HMCN2: variants seen among roughly 807,000 people sequenced by gnomAD.
HMCN2 encodes the protein hemicentin-2.
Under a neutral mutation model 377.5 loss-of-function variants are expected in HMCN2, and 325 were observed. The observed-to-expected ratio is 0.86, with a 90% CI of 0.79 to 0.94. The LOEUF (loss-of-function observed/expected upper bound fraction) is 0.94. Among genes scored for constraint, HMCN2 ranks in the 40% least tolerant of loss-of-function variants. The probability of loss-of-function intolerance (pLI) is 0.00; values close to 1 mark genes in which losing one functional copy is unlikely to be tolerated. For synonymous variants in HMCN2, 2,007 were observed against 2,046.8 expected (o/e 0.98, Z 0.53); for missense variants, 4,543 against 4,725.3 (o/e 0.96, Z 1.13).
At position 130,396,318 on chromosome 9, in the gene HMCN2, G is replaced by T. The variant is rs1239185969; in HGVS notation, c.11198+5G>T. ...CCTGGATCCCAGGAGCCCCAGGTGG[G>T]AGAGGGAAGGGGTGGGCCTCAGGGA... On this transcript the variant is annotated splice_donor_5th_base_variant and intron_variant, in intron 73 of 97. Transcript: ENST00000683500. 1 of 1,265,460 alleles carries T rather than the reference G, an allele frequency of 7.9e-7. No homozygotes were observed. The highest frequency in any genetic ancestry group is 2.3e-5 in the Admixed American group (1 of 42,998). 78.4% of individuals were successfully genotyped at this position (1,265,460 alleles called of 1,614,324 possible).
intron 15 of HMCN2, among the ~76,000 whole-genome samples, chr9:130,312,598 T>C (rs1837325770): frequency 9.1e-6 from 1 of 109,634 alleles, no homozygotes; most frequent in Non-Finnish European, 1.9e-5. Flanking sequence ...CTTTCTTTCT[T>C]TCTTTCTTTC....
chr9:130,391,220 G>C lies in HMCN2; in HGVS notation c.9684G>C (p.Arg3228=), dbSNP rs988383653. The C allele has an allele frequency of 8.1e-6, 8 of 987,766 alleles. No individual in the cohort carries two copies. The African/African-American group carries it at 1.4e-4, about 17-fold the overall frequency. 61.2% of individuals were successfully genotyped at this position (987,766 alleles called of 1,614,324 possible). A position where few individuals can be genotyped will look rare whatever the true frequency, so the allele number is the denominator to read the frequency against. Residue 3228 remains arginine, a synonymous_variant, in exon 64 of 98, where the codon CGG becomes CGC. Coordinates refer to ENST00000683500, the MANE Select transcript of HMCN2 (RefSeq NM_001291815.2). The part of the protein sequence containing the change: ...VVAVLVAPRI[R]SSGVAREHHV... ...CTGCCTCAGTGGCCCCCCGGATCCG[G>C]AGCTCGGGCGTGGCGCGGGAGCACC...
chr9:130,305,326 A>G (rs1836791981), intron 11 of HMCN2, among the ~76,000 whole-genome samples: 2 of 152,094 alleles, frequency 1.3e-5, no homozygotes, highest in African/African-American at 2.4e-5. Context: ...ACCCTGCCCA[A>G]TAGGTAGGGC....
chr9:130,302,460 C>T (rs1256545623), intron 8 of HMCN2, among the ~76,000 whole-genome samples: 8 of 152,190 alleles, frequency 5.3e-5, no homozygotes, highest in Admixed American at 3.3e-4. Flanking sequence ...GAGCCTAATC[C>T]TAGTTGGTAG....
chr9:130,425,238 G>C (rs956591910), intron 89 of HMCN2, 108 bp downstream of exon 89: 1 of 1,246,128 alleles, frequency 8.0e-7, no homozygotes, highest in Non-Finnish European at 1.1e-6. Context: ...TTCTGACAGC[G>C]CTGCAGGGCT....
intron 86 of HMCN2, chr9:130,419,325 G>T: frequency 3.4e-6 from 1 of 298,398 alleles, no homozygotes; most frequent in African/African-American, 2.2e-5. Context: ...CACAGCCCCT[G>T]GAAGCAGGCA....
At position 130,394,328 on chromosome 9, in the gene HMCN2, C is replaced by T. The variant is rs987456977; in HGVS notation, c.10502-57C>T. On this transcript the variant is annotated intron_variant, in intron 68 of 97. Coordinates refer to ENST00000683500, the MANE Select transcript of HMCN2 (RefSeq NM_001291815.2). This position sits in a 1 kb window ranked among gnomAD's most constrained non-coding sequence, Gnocchi z 5.1. The stretch of plus-strand genomic sequence containing the variant: ...GGACTCAGCACAGTGTTTTCAAGTG[C>T]GGTGCTGTCCCGGAAATGTGTGTCA... 2.0e-5 allele frequency: 22 copies of T among 1,122,072 alleles called. 1 individual carries two copies. The highest frequency in any genetic ancestry group is 1.9e-4 in the South Asian group (14 of 74,712). 69.5% of individuals were successfully genotyped at this position (1,122,072 alleles called of 1,614,324 possible).
At chr9:130,409,388 G>A (rs1397920564) in intron 84 of HMCN2, among the ~76,000 whole-genome samples, 3 of 152,134 alleles carry the variant, frequency 2.0e-5, no homozygotes, top group Non-Finnish European at 4.4e-5. Flanking sequence ...CTCAGGCCCC[G>A]TGCTGTTTCC....
At chr9:130,409,851 C>T (rs12000171) in intron 84 of HMCN2, among the ~76,000 whole-genome samples, 1 of 152,138 alleles carries the variant, frequency 6.6e-6, no homozygotes, top group South Asian at 2.1e-4. Flanking sequence ...CTATCCCCCC[C>T]AGTCCCTTGG....
chr9:130,395,946 C>T lies in HMCN2; in HGVS notation c.10934C>T (p.Pro3645Leu), dbSNP rs954359200. 6.2e-6 allele frequency: 8 copies of T among 1,287,292 alleles called. No homozygotes were observed. The highest frequency in any genetic ancestry group is 3.2e-4 in the Middle Eastern group (1 of 3,092). The allele number at this position is 1,287,292 out of a possible 1,614,324, so 79.7% of individuals were successfully genotyped here. A position where few individuals can be genotyped will look rare whatever the true frequency, so the allele number is the denominator to read the frequency against. Reference sequence around the variant, plus strand: ...CAGGAGGACGCCCACACACAATTCCCGGAGCGGGGCAGGTTCCTCCAGCTG... The same window carrying T: ...CAGGAGGACGCCCACACACAATTCCTGGAGCGGGGCAGGTTCCTCCAGCTG... ...VLQEDAHTQF[P>L]ERGRFLQLQA... is the part of the protein sequence containing the mutation. The change falls in exon 72 of 98, where the codon CCG becomes CTG. Residue 3645 changes from proline to leucine, a missense_variant. By Grantham distance (98) the Pro-to-Leu change is moderately conservative (BLOSUM62 -3). Around this residue, in one of 5 missense-constraint regions of HMCN2, gnomAD observed 1,073 missense variants for 1,319.5 expected, o/e 0.81. Coordinates refer to ENST00000683500, the MANE Select transcript of HMCN2 (RefSeq NM_001291815.2).
intron 43 of HMCN2, among the ~76,000 whole-genome samples, chr9:130,367,258 G>A (rs946024737): frequency 1.3e-5 from 2 of 152,100 alleles, no homozygotes; most frequent in African/African-American, 2.4e-5. Context: ...TACCTAGTGA[G>A]GTGTCAAGTG....
In HMCN2 at chr9:130,349,149, C is replaced by T; in HGVS notation, c.4303+18C>T. On this transcript the variant is annotated intron_variant, in intron 28 of 97. Coordinates refer to ENST00000683500, the MANE Select transcript of HMCN2 (RefSeq NM_001291815.2). Reference sequence around the variant, plus strand: ...TGTGCTCAGTGAGTGAGACCTGAGCCCTGTAACTCCCAAGTGTGTCTGGCC... The same window carrying T: ...TGTGCTCAGTGAGTGAGACCTGAGCTCTGTAACTCCCAAGTGTGTCTGGCC... 1.5e-6 allele frequency: 2 copies of T among 1,300,938 alleles called. No individual in the cohort carries two copies. The highest frequency in any genetic ancestry group is 1.0e-6 in the Non-Finnish European group (1 of 986,768). 80.6% of individuals were successfully genotyped at this position (1,300,938 alleles called of 1,614,324 possible). A position where few individuals can be genotyped will look rare whatever the true frequency, so the allele number is the denominator to read the frequency against.
chr9:130,311,447 G>C (rs1308059631), intron 15 of HMCN2, among the ~76,000 whole-genome samples: 1 of 152,192 alleles, frequency 6.6e-6, no homozygotes, highest in Non-Finnish European at 1.5e-5. Flanking sequence ...GTGCTCGTGT[G>C]CCAGGCCCTG....
intron 84 of HMCN2, 78 bp from the exon 85 acceptor site, chr9:130,410,493 T>C: frequency 7.3e-7 from 1 of 1,375,214 alleles, no homozygotes; most frequent in Non-Finnish European, 1.0e-6. Context: ...CTGGCTGCCC[T>C]CAGTCCCCTA....
chr9:130,367,179 G>T (rs186548859), intron 43 of HMCN2, among the ~76,000 whole-genome samples: 7 of 152,254 alleles, frequency 4.6e-5, no homozygotes, highest in African/African-American at 1.4e-4. Context: ...CGAGATGGGA[G>T]ACCCCAGGGG....
rs1234475903 is a variant in HMCN2 at position 130,350,380 on chromosome 9, AAAAAATAC to A, written c.4430+723_4430+730del. Among the ~76,000 whole-genome samples the A allele has an allele frequency of 9.7e-4, 135 of 139,042 alleles. 6 individuals are homozygous for A. Among genetic ancestry groups the A allele is most frequent in the African/African-American group, 3.3e-3 (124 of 38,088 alleles). 91.2% of individuals were successfully genotyped at this position (139,042 alleles called of 152,430 possible). A position where few individuals can be genotyped will look rare whatever the true frequency, so the allele number is the denominator to read the frequency against. On this transcript the variant is annotated intron_variant, in intron 29 of 97. Transcript: ENST00000683500. ...AGACCCTGTCTCTGCTAAAAATACAAAAAAATACAAAAAAAAAAAAAAAAGAAATAGCC... is the reference window on the plus strand; with the variant it reads ...AGACCCTGTCTCTGCTAAAAATACAAAAAAAAAAAAAAAAAAGAAATAGCC...
At chr9:130,352,344 A>C (rs922332425) in intron 30 of HMCN2, among the ~76,000 whole-genome samples, 7 of 152,248 alleles carry the variant, frequency 4.6e-5, no homozygotes, top group African/African-American at 1.4e-4. Flanking sequence ...CGCAGAGGGC[A>C]CCCAGCCTGC....
chr9:130,330,864 T>C (rs1838387440), intron 22 of HMCN2, among the ~76,000 whole-genome samples: 1 of 152,018 alleles, frequency 6.6e-6, no homozygotes, highest in Non-Finnish European at 1.5e-5. Flanking sequence ...TCATGGTGGC[T>C]CATGCCTGTA....
chr9:130,400,809 A>G lies in HMCN2; in HGVS notation c.11632A>G (p.Thr3878Ala), dbSNP rs1397784970. The G allele has an allele frequency of 1.6e-6, 2 of 1,288,444 alleles. No individual in the cohort carries two copies. The highest frequency in any genetic ancestry group is 1.5e-5 in the African/African-American group (1 of 65,788). The allele number at this position is 1,288,444 out of a possible 1,614,324, so 79.8% of individuals were successfully genotyped here. A position where few individuals can be genotyped will look rare whatever the true frequency, so the allele number is the denominator to read the frequency against. ...GCCTCCCACCATTGCCGATGACCAG[A>G]CAGACTTCACCGTGACCATGATGGC... ...HVPPTIADDQ[T>A]DFTVTMMAPV... is the part of the protein sequence containing the mutation. Residue 3878 changes from threonine to alanine, a missense_variant, in exon 77 of 98, where the codon ACA becomes GCA. Thr to Ala is a moderately conservative substitution (Grantham distance 58). Transcript: ENST00000683500.
Sources: allele counts gnomAD v4.1 joint callset (sites outside exome capture counted in the v4.1 genomes callset), GRCh38; gene constraint gnomAD v4.1.1; regional missense constraint gnomAD v4.1.1; non-coding constraint Gnocchi (gnomAD v3.1); transcripts MANE v1.5; gene names NCBI Gene and HGNC (gene_info 2026-07-23, HGNC 2026-07-21).